The following PKD1 variants were observed in gnomAD, a reference collection of about 807,000 sequenced individuals.
The protein encoded by PKD1 is polycystin-1.
PKD1 carries 81 observed loss-of-function variants against 361.7 expected under a neutral mutation model. The ratio of observed to expected loss-of-function variants is 0.22; its 90% CI spans 0.19 to 0.27. The LOEUF is 0.27. Among genes scored for constraint, PKD1 ranks in the 10% least tolerant of loss-of-function variants. The probability of loss-of-function intolerance (pLI) is 1.00; values close to 1 mark genes in which losing one functional copy is unlikely to be tolerated. For synonymous variants in PKD1, 3,615 were observed against 2,818.3 expected (o/e 1.28, Z -8.95); for missense variants, 6,399 against 6,118.3 (o/e 1.05, Z -1.53).
At chr16:2,119,234 G>A (rs770081773) in intron 2 of PKD1, 49 bp from the exon 3 acceptor site, 4 of 1,415,434 alleles carry the variant, frequency 2.8e-6, no homozygotes, top group Middle Eastern at 2.4e-4. Context: ...CCCCACAGCT[G>A]AGCAGCAAGA....
chr16:2,113,725 T>A, intron 11 of PKD1: 1 of 356,036 alleles, frequency 2.8e-6, no homozygotes, highest in Admixed American at 4.4e-5. Context: ...CCAAGGCCCC[T>A]GGTGAAGAGG....
chr16:2,124,690 G>GC (rs1371050483), intron 1 of PKD1, among the ~76,000 whole-genome samples: 2 of 152,334 alleles, frequency 1.3e-5, no homozygotes, highest in South Asian at 2.1e-4. Context: ...GCCGGACGGA[G>GC]CCCCCAAAGA....
rs376607683 is a variant in PKD1, at chr16:2,117,548, G to A, written c.1326C>T (p.Ala442=). ...AQEQCQAWAG[A]ALAMVDSPAV... ...CGGGACTGTCCACCATTGCCAGGGC[G>A]GCCCCGGCCCAGGCCTGACACTGCT... Residue 442 remains alanine, a synonymous_variant, in exon 6 of 46, where the codon GCC becomes GCT. Coordinates refer to ENST00000262304, the MANE Select transcript of PKD1 (RefSeq NM_001009944.3). 324 of 1,600,276 alleles carry A rather than the reference G, an allele frequency of 2.0e-4. No individual in the cohort carries two copies. The highest frequency in any genetic ancestry group is 1.5e-3 in the African/African-American group (115 of 74,734).
rs1431184291 is a variant in PKD1 at position 2,090,100 on chromosome 16, G to A, written c.12539C>T (p.Ala4180Val). 5.6e-6 allele frequency: 9 copies of A among 1,605,546 alleles called. No homozygotes were observed. Among genetic ancestry groups the A allele is most frequent in the Non-Finnish European group, 7.7e-6 (9 of 1,175,126 alleles). The change falls in exon 46 of 46, where the codon GCT becomes GTT. Residue 4180 changes from alanine (A) to valine (V), a missense_variant. Transcript: ENST00000262304. ...GGAGGGGTGCGAGGCATCGGAGCCA[G>A]CGCTGGGTGGGGGCACATCCGGGGA... ...KVSPDVPPPS[A>V]GSDASHPSTS...
intron 30 of PKD1, chr16:2,099,228 T>C (rs1423428755): frequency 4.3e-5 from 15 of 351,366 alleles, no homozygotes; most frequent in Non-Finnish European, 5.6e-5. Context: ...ACCTGAAGTG[T>C]TGGGATTACA....
At chr16:2,120,014 C>A in intron 1 of PKD1, 1 of 595,180 alleles carries the variant, frequency 1.7e-6, no homozygotes, top group Middle Eastern at 4.5e-4. Context: ...GATTTTGAAA[C>A]CACCCTGGGC....
chr16:2,115,861 A>G, intron 9 of PKD1, 131 bp downstream of exon 9: 2 of 1,122,260 alleles, frequency 1.8e-6, no homozygotes. Context: ...GTGTCTCTGG[A>G]ACCCCTGCTC....
intron 35 of PKD1, 28 bp downstream of exon 35, chr16:2,094,063 AG>A: frequency 6.3e-7 from 1 of 1,585,590 alleles, no homozygotes; most frequent in South Asian, 1.1e-5. Flanking sequence ...GGGAGGGGCT[AG>A]GGGCATCCCG....
At chr16:2,108,196 G>A (rs1239470689) in intron 15 of PKD1, 56 bp downstream of exon 15, 16 of 1,532,246 alleles carry the variant, frequency 1.0e-5, no homozygotes, top group African/African-American at 5.5e-5. Flanking sequence ...GTGTTCTCTG[G>A]GCTCATGGGT....
intron 16 of PKD1, chr16:2,107,628 C>T (rs2092388677): frequency 1.7e-6 from 1 of 576,578 alleles, no homozygotes; most frequent in African/African-American, 1.9e-5. Flanking sequence ...GGGGCTCTTC[C>T]TCACTGTTGG....
At chr16:2,101,380 G>A (rs1386805892) in intron 26 of PKD1, among the ~76,000 whole-genome samples, 1 of 152,146 alleles carries the variant, frequency 6.6e-6, no homozygotes, top group East Asian at 1.9e-4. Context: ...AGGTGTGGTG[G>A]CTCACACCTG....
chr16:2,117,008 C>T lies in PKD1; in HGVS notation c.1431G>A (p.Glu477=), dbSNP rs1229601111. The T allele has an allele frequency of 1.3e-6, 2 of 1,586,704 alleles. No homozygotes were observed. The highest frequency in any genetic ancestry group is 3.4e-5 in the Admixed American group (2 of 59,698). The change falls in exon 7 of 46, where the codon GAG becomes GAA. Residue 477 remains glutamate, a synonymous_variant. Transcript: ENST00000262304. ...CCTCGCCCTGCGGCGCTGGGCCCAC[C>T]TCCACCCCCTGCACAGTCGAGAAGC... The part of the protein sequence containing the change: ...WIGFSTVQGV[E]VGPAPQGEAF...
rs750636818 is a variant in PKD1, at chr16:2,099,593, C to T, written c.10050+51G>A. 4.2e-5 allele frequency: 65 copies of T among 1,537,962 alleles called. No individual in the cohort carries two copies. In the East Asian group the frequency reaches 7.4e-4, roughly 17 times the overall value. The stretch of plus-strand genomic sequence containing the variant: ...AAAGTGGCGGCCCTAGGCATGGTGC[C>T]GAGGCCCAGGCTCCATTCCCAGTAC... On this transcript the variant is annotated intron_variant, in intron 30 of 45. Transcript: ENST00000262304.
intron 1 of PKD1, among the ~76,000 whole-genome samples, chr16:2,128,895 G>C (rs28668625): frequency 0.099 from 14,956 of 151,276 alleles, 949 homozygotes; most frequent in African/African-American, 0.18. Context: ...ACAGAGTCTC[G>C]CTCTGTTGAC....
chr16:2,091,006 G>A lies in PKD1; in HGVS notation c.11881C>T (p.Arg3961Cys), dbSNP rs1321833895. 11 of 1,534,168 alleles carry A rather than the reference G, an allele frequency of 7.2e-6. No homozygotes were observed. The highest frequency in any genetic ancestry group is 3.6e-5 in the South Asian group (3 of 84,182). Residue 3961 changes from arginine (R) to cysteine (C), a missense_variant, in exon 43 of 46, where the codon CGC becomes TGC. By Grantham distance (180) the Arg-to-Cys change is radical. Transcript: ENST00000262304. ...CCGCGCACGAAACGGGTCCACTGGC[G>A]GTCAGCGGCACCCAGCTGGGCGAGG... ...VRLAQLGAAD[R>C]QWTRFVRGRP...
chr16:2,093,408 C>A, intron 37 of PKD1, 136 bp downstream of exon 37: 2 of 873,950 alleles, frequency 2.3e-6, no homozygotes, highest in African/African-American at 1.7e-5. Flanking sequence ...GGAGACCGGG[C>A]AAAGGCTGCA....
At chr16:2,120,217 T>C (rs901444414) in intron 1 of PKD1, 13 of 265,828 alleles carry the variant, frequency 4.9e-5, no homozygotes, top group South Asian at 3.7e-4. Context: ...ACCTCAAAAA[T>C]AAATAAATAC....
intron 1 of PKD1, among the ~76,000 whole-genome samples, chr16:2,129,631 G>T (rs1372380670): frequency 6.8e-6 from 1 of 146,996 alleles, no homozygotes; most frequent in South Asian, 2.2e-4. Context: ...GCTCACTGCA[G>T]CCTTGACCTC....
chr16:2,112,663 C>T, intron 13 of PKD1, 125 bp downstream of exon 13: 5 of 1,172,880 alleles, frequency 4.3e-6, no homozygotes, highest in Non-Finnish European at 4.9e-6. Context: ...CACCCAGTTA[C>T]CTCCCAACAG....
Sources: gnomAD v4.1 joint callset for allele counts (sites outside exome capture counted in the v4.1 genomes callset) on GRCh38, gnomAD v4.1.1 for gene constraint, MANE v1.5 for transcripts, NCBI Gene and HGNC (gene_info 2026-07-23, HGNC 2026-07-21) for gene names.